Variants in TRPS1 observed in about 807,000 individuals in gnomAD.
TRPS1 encodes zinc finger transcription factor Trps1.
TRPS1 carries 6 observed loss-of-function variants against 101.2 expected under a neutral mutation model. That is an observed-to-expected ratio of 0.06 (90% confidence interval 0.03 to 0.12). The LOEUF (loss-of-function observed/expected upper bound fraction) is 0.12, where lower values mean the gene tolerates loss of function less well. Ranked by LOEUF, TRPS1 falls within the 10% of genes least tolerant of loss-of-function variation. TRPS1 has a pLI of 1.00. For synonymous variants in TRPS1, 578 were observed against 589.8 expected (o/e 0.98, Z 0.29); for missense variants, 1,363 against 1,567.0 (o/e 0.87, Z 2.20).
chr8:115,637,295 G>C (rs534035018), intron 1 of TRPS1: 2 of 985,268 alleles, frequency 2.0e-6, no homozygotes, highest in Non-Finnish European at 2.4e-6. Flanking sequence ...GATGAGGCTG[G>C]ACCACTTGGA....
At chr8:115,523,678 G>A (rs1181858395) in intron 5 of TRPS1, among the ~76,000 whole-genome samples, 1 of 151,958 alleles carries the variant, frequency 6.6e-6, no homozygotes. Context: ...TTAATATATC[G>A]CAAAGCCAAC....
rs745846380 is a variant in TRPS1 at position 115,587,400 on chromosome 8, A to G, written c.2301T>C (p.Ser767=). 6.2e-6 allele frequency: 10 copies of G among 1,614,036 alleles called. No individual in the cohort carries two copies. The African/African-American group carries it at 1.1e-4, about 17-fold the overall frequency. The change falls in exon 5 of 7, where the codon TCT becomes TCC. Residue 767 remains serine (S), a synonymous_variant. Transcript: ENST00000395715. ...TCTCAGAAACTGGCTCTCCCATTTT[A>G]GAGTCTGGAGTTAGCAGATTGTAGA... The part of the protein sequence containing the change: ...FRVYNLLTPD[S]KMGEPVSESV...
rs35329862 is a variant in TRPS1, at chr8:115,623,645, T to TA, written c.-9dup. The TA allele has an allele frequency of 0.38, 608,446 of 1,610,756 alleles. 119,228 individuals are homozygous for TA. The highest frequency in any genetic ancestry group is 0.52 in the Middle Eastern group (3,171 of 6,050). On this transcript the variant is annotated 5_prime_UTR_variant, in exon 2 of 7. Coordinates refer to ENST00000395715, the MANE Select transcript of TRPS1 (RefSeq NM_014112.5). ...ATTGACTTCATAAGGCATGTGGCTT[T>TA]AGAGTGCTTTTTACAATTATTAATT... is the stretch of plus-strand genomic sequence containing the variant.
intron 5 of TRPS1, among the ~76,000 whole-genome samples, chr8:115,465,232 AG>A (rs1484971397): frequency 1.3e-5 from 2 of 152,118 alleles, no homozygotes; most frequent in South Asian, 2.1e-4. Flanking sequence ...TTGGTGAATC[AG>A]GGTAATATTT....
At chr8:115,468,124 T>C (rs559457996) in intron 5 of TRPS1, among the ~76,000 whole-genome samples, 1 of 152,326 alleles carries the variant, frequency 6.6e-6, no homozygotes, top group African/African-American at 2.4e-5. Context: ...CATAGTAATG[T>C]ATGTAACTGT....
chr8:115,414,805 C>A lies in TRPS1; in HGVS notation c.3103G>T (p.Val1035Phe). ...TTGTGAATATCCAGAGTTTGGCTGA[C>A]CAGGACTGGCTGCTGAGCAGAATGG... The part of the protein sequence containing the change: ...KSHSAQQPVL[V>F]SQTLDIHKRM... The change falls in exon 7 of 7, where the codon GTC becomes TTC. Residue 1035 changes from valine (V) to phenylalanine (F), a missense_variant. Coordinates refer to ENST00000395715, the MANE Select transcript of TRPS1 (RefSeq NM_014112.5). The surrounding 1 kb of genome is among the most constrained non-coding windows in gnomAD (Gnocchi z 4.8). 6.2e-7 allele frequency: 1 copy of A among 1,613,988 alleles called. No individual in the cohort carries two copies. Among genetic ancestry groups the A allele is most frequent in the East Asian group, 2.2e-5 (1 of 44,866 alleles).
intron 5 of TRPS1, among the ~76,000 whole-genome samples, chr8:115,577,514 T>C (rs1817346439): frequency 6.6e-6 from 1 of 152,118 alleles, no homozygotes; most frequent in Non-Finnish European, 1.5e-5. Flanking sequence ...TCAAAATGGC[T>C]AGAACAGAGG....
intron 5 of TRPS1, among the ~76,000 whole-genome samples, chr8:115,536,379 C>A (rs1225024011): frequency 1.3e-5 from 2 of 151,872 alleles, no homozygotes; most frequent in African/African-American, 4.8e-5. Context: ...AAAAATTAGC[C>A]AGGCGTGGTG....
rs146022152 is a variant in TRPS1, at chr8:115,655,043, C to G, written c.-122+13502G>C. Among the ~76,000 whole-genome samples the G allele has an allele frequency of 2.2e-3, 330 of 152,234 alleles. 2 individuals are homozygous for G. The highest frequency in any genetic ancestry group is 0.014 in the Middle Eastern group (4 of 294). On this transcript the variant is annotated intron_variant, in intron 1 of 6. Coordinates refer to ENST00000395715, the MANE Select transcript of TRPS1 (RefSeq NM_014112.5). The stretch of plus-strand genomic sequence containing the variant: ...TTCACATATGAATGAGGATGGTGAA[C>G]GGACCCAAGTTCTAGTTCAGTCCTT...
intron 5 of TRPS1, among the ~76,000 whole-genome samples, chr8:115,470,072 T>C (rs1400824892): frequency 5.3e-5 from 8 of 152,218 alleles, no homozygotes; most frequent in African/African-American, 1.9e-4. Context: ...TTTTACTCTT[T>C]GCTTCTCTAG....
intron 1 of TRPS1, among the ~76,000 whole-genome samples, chr8:115,649,116 A>G (rs1271504696): frequency 6.6e-6 from 1 of 152,238 alleles, no homozygotes; most frequent in Non-Finnish European, 1.5e-5. Flanking sequence ...GACTGCAGAT[A>G]TCGCTACAGA....
intron 5 of TRPS1, among the ~76,000 whole-genome samples, chr8:115,539,455 C>T (rs552634705): frequency 6.6e-6 from 1 of 152,078 alleles, no homozygotes; most frequent in East Asian, 1.9e-4. Context: ...TCAAAAAGAA[C>T]GAAATGAAAA....
intron 5 of TRPS1, among the ~76,000 whole-genome samples, chr8:115,474,402 T>A (rs116938274): frequency 1.3e-5 from 2 of 152,128 alleles, no homozygotes; most frequent in Non-Finnish European, 2.9e-5. Flanking sequence ...GATGGATGGA[T>A]AAAATAAAAG....
Position 115,414,345 on chromosome 8 carries a change from G to T in TRPS1, c.3563C>A (p.Pro1188Gln). 1 of 1,613,930 alleles carries T rather than the reference G, an allele frequency of 6.2e-7. No homozygotes were observed. Among genetic ancestry groups the T allele is most frequent in the Non-Finnish European group, 8.5e-7 (1 of 1,179,954 alleles). The change falls in exon 7 of 7, where the codon CCA becomes CAA. Residue 1188 changes from proline (P) to glutamine (Q), a missense_variant. Transcript: ENST00000395715. The surrounding 1 kb of genome is among the most constrained non-coding windows in gnomAD (Gnocchi z 4.8). ...DLAIKHSRPG[P>Q]TANGASKEKT... ...CTCCTTGGAGGCACCGTTTGCAGTT[G>T]GCCCAGGTCTGGAATGCTTGATCGC...
chr8:115,538,075 T>C (rs1204463424), intron 5 of TRPS1, among the ~76,000 whole-genome samples: 1 of 152,240 alleles, frequency 6.6e-6, no homozygotes, highest in East Asian at 1.9e-4. Flanking sequence ...TTATCACTTG[T>C]GGTGTTTGAT....
At chr8:115,578,666 T>C (rs777891006) in intron 5 of TRPS1, among the ~76,000 whole-genome samples, 1 of 152,094 alleles carries the variant, frequency 6.6e-6, no homozygotes, top group Non-Finnish European at 1.5e-5. Context: ...TACATGATCC[T>C]ATACTTGAAT....
At chr8:115,562,524 A>C (rs919196038) in intron 5 of TRPS1, among the ~76,000 whole-genome samples, 14 of 151,308 alleles carry the variant, frequency 9.3e-5, no homozygotes, top group African/African-American at 3.4e-4. Context: ...AAAAAAAAAA[A>C]GCTTAAACAA....
At chr8:115,436,082 CAAAT>C (rs896720780) in intron 5 of TRPS1, among the ~76,000 whole-genome samples, 11 of 151,192 alleles carry the variant, frequency 7.3e-5, no homozygotes, top group African/African-American at 2.4e-4. Context: ...TGGTGAGACT[CAAAT>C]AAGCCTTTAA....
At chr8:115,641,028 T>C (rs1352711381) in intron 1 of TRPS1, among the ~76,000 whole-genome samples, 1 of 152,224 alleles carries the variant, frequency 6.6e-6, no homozygotes, top group African/African-American at 2.4e-5. Flanking sequence ...TGGATTCATA[T>C]GTATCTGGTT....
Sources: allele counts gnomAD v4.1 joint callset (sites outside exome capture counted in the v4.1 genomes callset), GRCh38; gene constraint gnomAD v4.1.1; non-coding constraint Gnocchi (gnomAD v3.1); transcripts MANE v1.5; gene names NCBI Gene and HGNC (gene_info 2026-07-23, HGNC 2026-07-21).